Variants in ZNF793 observed in about 807,000 individuals in gnomAD.
The protein encoded by ZNF793 is zinc finger protein 793.
Under a neutral mutation model 12.4 loss-of-function variants are expected in ZNF793, and 5 were observed. That is an observed-to-expected ratio of 0.40 (90% CI 0.21 to 0.84). The LOEUF (loss-of-function observed/expected upper bound fraction) is 0.84, where lower values mean the gene tolerates loss of function less well. Among genes scored for constraint, ZNF793 ranks in the 40% least tolerant of loss-of-function variants. The probability of loss-of-function intolerance (pLI) is 0.35; values close to 1 mark genes in which losing one functional copy is unlikely to be tolerated. For missense variants in ZNF793, 456 were observed against 495.0 expected (o/e 0.92, Z 0.75); for synonymous variants, 162 against 172.4 (o/e 0.94, Z 0.47).
chr19:37,524,096 G>A (rs939077124), intron 5 of ZNF793, among the ~76,000 whole-genome samples: 4 of 151,146 alleles, frequency 2.6e-5, no homozygotes, highest in African/African-American at 7.3e-5. Flanking sequence ...GTTGCAGTGA[G>A]CCAAGATGGC....
rs144283741 is a variant in ZNF793, at chr19:37,542,862, A to G, written c.*4983A>G. ...TGATTTTATGTGCATGAAGAAAAGTATAGAAGAGTATGCATTGACTTGGAG... is the reference window on the plus strand; with the variant it reads ...TGATTTTATGTGCATGAAGAAAAGTGTAGAAGAGTATGCATTGACTTGGAG... On this transcript the variant is annotated 3_prime_UTR_variant, in exon 8 of 8. Coordinates refer to ENST00000627814, the MANE Select transcript of ZNF793 (RefSeq NM_001013659.3). The G allele has an allele frequency of 0.027, 4,228 of 153,750 alleles. 79 individuals carry two copies. Among genetic ancestry groups the G allele is most frequent in the Middle Eastern group, 0.054 (16 of 294 alleles). 9.5% of individuals were successfully genotyped at this position (153,750 alleles called of 1,614,324 possible). A position where few individuals can be genotyped will look rare whatever the true frequency, so the allele number is the denominator to read the frequency against.
In ZNF793 at chr19:37,526,052, C is replaced by T. The variant is rs142163752; in HGVS notation, c.15+2598C>T. On this transcript the variant is annotated intron_variant, in intron 5 of 7. Coordinates refer to ENST00000627814, the MANE Select transcript of ZNF793 (RefSeq NM_001013659.3). ...ATCACAGGAGATGGTGCCATCCCAT[C>T]GGGCAGGCCGGGACCCTGAGATTTA... 5.0e-3 allele frequency among the ~76,000 whole-genome samples: 761 copies of T among 152,226 alleles called. 1 individual carries two copies. The highest frequency in any genetic ancestry group is 0.017 in the African/African-American group (711 of 41,558).
chr19:37,537,132 C>T lies in ZNF793; in HGVS notation c.474C>T (p.Asn158=), dbSNP rs765880832. 8 of 1,613,264 alleles carry T rather than the reference C, an allele frequency of 5.0e-6. No homozygotes were observed. Among genetic ancestry groups the T allele is most frequent in the Non-Finnish European group, 6.8e-6 (8 of 1,179,572 alleles). The change falls in exon 8 of 8, where the codon AAC becomes AAT. Residue 158 remains asparagine, a synonymous_variant. Transcript: ENST00000627814. ...HNLDLIGFKR[N]CAKKQDECYA... is the part of the protein sequence containing the mutation. ...TAGACTTGATTGGTTTTAAGAGAAA[C>T]TGTGCAAAAAAGCAAGATGAGTGTT... is the stretch of plus-strand genomic sequence containing the variant.
rs1280827101 is a variant in ZNF793, at chr19:37,538,618, A to G, written c.*739A>G. On this transcript the variant is annotated 3_prime_UTR_variant, in exon 8 of 8. Transcript: ENST00000627814. Reference sequence around the variant, plus strand: ...CAACGCGCCCAACCGACAGTGTTGTATCATAATGGAAATCATGATCTAATT... The same window carrying G: ...CAACGCGCCCAACCGACAGTGTTGTGTCATAATGGAAATCATGATCTAATT... 3.3e-5 allele frequency: 5 copies of G among 151,616 alleles called. No individual in the cohort carries two copies. The highest frequency in any genetic ancestry group is 1.2e-4 in the African/African-American group (5 of 41,162). The allele number at this position is 151,616 out of a possible 1,614,324, so 9.4% of individuals were successfully genotyped here. A position where few individuals can be genotyped will look rare whatever the true frequency, so the allele number is the denominator to read the frequency against.
At chr19:37,533,205 C>T in intron 6 of ZNF793, 103 bp from the exon 7 acceptor site, 5 of 912,506 alleles carry the variant, frequency 5.5e-6, no homozygotes, top group African/African-American at 3.3e-5. Context: ...GTGTTTAGTC[C>T]CCTCCCAAGT....
chr19:37,517,265 C>T (rs1489156568), intron 2 of ZNF793, among the ~76,000 whole-genome samples: 1 of 152,026 alleles, frequency 6.6e-6, no homozygotes, highest in Non-Finnish European at 1.5e-5. Context: ...TTACTGTTTC[C>T]TGCCTTCATA....
chr19:37,509,279 C>A (rs567311346), intron 2 of ZNF793, among the ~76,000 whole-genome samples: 1 of 152,264 alleles, frequency 6.6e-6, no homozygotes, highest in South Asian at 2.1e-4. Flanking sequence ...TATTATTCTG[C>A]TTTCTATATC....
chr19:37,520,819 G>T (rs573596320), intron 3 of ZNF793, among the ~76,000 whole-genome samples: 15 of 152,222 alleles, frequency 9.9e-5, no homozygotes, highest in Non-Finnish European at 1.8e-4. Flanking sequence ...TGACTCAGAG[G>T]CAGAAATGGC....
chr19:37,521,479 A>C (rs1345914132), intron 3 of ZNF793, among the ~76,000 whole-genome samples: 1 of 124,348 alleles, frequency 8.0e-6, no homozygotes, highest in Non-Finnish European at 1.6e-5. Flanking sequence ...CTTGTTGCCC[A>C]GGCTGGAGTG....
At chr19:37,536,253 G>A (rs918235490) in intron 7 of ZNF793, 7 of 392,440 alleles carry the variant, frequency 1.8e-5, no homozygotes, top group African/African-American at 1.0e-4. Context: ...TCCCTTGGAT[G>A]ACTGCTATAC....
intron 5 of ZNF793, among the ~76,000 whole-genome samples, chr19:37,525,368 G>T (rs950423964): frequency 6.6e-6 from 1 of 151,110 alleles, no homozygotes; most frequent in African/African-American, 2.4e-5. Context: ...TCGATCTCCT[G>T]ACCTTGTGAT....
rs1337841146 is a variant in ZNF793, at chr19:37,537,547, C to T, written c.889C>T (p.His297Tyr). 15 of 1,614,082 alleles carry T rather than the reference C, an allele frequency of 9.3e-6. No homozygotes were observed. The Admixed American group carries it at 2.3e-4, about 25-fold the overall frequency. ...TGGGAAAGCCTTTACCCAGAAGTCA[C>T]ACCGCACAGAACATCAGAGAACACA... ...FCGKAFTQKSHRTEHQRTHTG... is the reference protein window; with the variant it reads ...FCGKAFTQKSYRTEHQRTHTG... The change falls in exon 8 of 8, where the codon CAC (histidine) becomes TAC (tyrosine). Residue 297 changes from histidine to tyrosine, a missense_variant. Physicochemically the swap from His to Tyr is moderately conservative, Grantham distance 83 (BLOSUM62 2). Transcript: ENST00000627814.
chr19:37,525,944 C>G (rs1181316812), intron 5 of ZNF793, among the ~76,000 whole-genome samples: 1 of 152,180 alleles, frequency 6.6e-6, no homozygotes, highest in Admixed American at 6.5e-5. Flanking sequence ...TCCCAGCCCC[C>G]AAGGGCCCTG....
intron 7 of ZNF793, 197 bp downstream of exon 7, chr19:37,533,600 T>A (rs920309227): frequency 1.6e-5 from 9 of 568,196 alleles, no homozygotes; most frequent in Non-Finnish European, 2.8e-5. Flanking sequence ...CCTCTGCCCT[T>A]ATGTGCTTGG....
chr19:37,521,723 G>A (rs1315113751), intron 3 of ZNF793, among the ~76,000 whole-genome samples: 4 of 151,950 alleles, frequency 2.6e-5, no homozygotes, highest in African/African-American at 7.2e-5. Context: ...GATTATAGGC[G>A]TGAGCCACCG....
intron 2 of ZNF793, among the ~76,000 whole-genome samples, chr19:37,517,217 A>G (rs1012531041): frequency 1.3e-5 from 2 of 152,214 alleles, no homozygotes; most frequent in African/African-American, 4.8e-5. Flanking sequence ...AAGGAAATCG[A>G]AGCAAATATT....
intron 2 of ZNF793, among the ~76,000 whole-genome samples, chr19:37,510,464 G>A (rs577342715): frequency 8.1e-5 from 12 of 148,076 alleles, no homozygotes; most frequent in South Asian, 2.2e-4. Context: ...ACAGTGAGCC[G>A]AGATTGCACC....
intron 6 of ZNF793, among the ~76,000 whole-genome samples, 184 bp from the exon 7 acceptor site, chr19:37,533,124 T>G (rs1443458843): frequency 6.6e-6 from 1 of 152,194 alleles, no homozygotes; most frequent in Non-Finnish European, 1.5e-5. Context: ...CTTGTGCTGC[T>G]GCCTCAGTGG....
intron 6 of ZNF793, 47 bp downstream of exon 6, chr19:37,532,529 C>A: frequency 1.3e-6 from 2 of 1,510,346 alleles, no homozygotes; most frequent in Non-Finnish European, 1.8e-6. Context: ...CGAATGACCA[C>A]CTTTCCTTTC....
Sources: gnomAD v4.1 joint callset for allele counts (sites outside exome capture counted in the v4.1 genomes callset) on GRCh38, gnomAD v4.1.1 for gene constraint, MANE v1.5 for transcripts, NCBI Gene and HGNC (gene_info 2026-07-23, HGNC 2026-07-21) for gene names.